TCF3: variants seen among roughly 807,000 people sequenced by gnomAD.
TCF3 encodes the protein transcription factor 3.
Under a neutral mutation model 72.3 loss-of-function variants are expected in TCF3, and 54 were observed. The ratio of observed to expected loss-of-function variants is 0.75; its 90% CI spans 0.60 to 0.94. The LOEUF (loss-of-function observed/expected upper bound fraction) is 0.94. Ranked by LOEUF, TCF3 falls within the 40% of genes least tolerant of loss-of-function variation. TCF3 has a pLI of 0.00. For missense variants in TCF3, 1,078 were observed against 934.4 expected (o/e 1.15, Z -2.00); for synonymous variants, 525 against 412.6 (o/e 1.27, Z -3.30).
intron 3 of TCF3, among the ~76,000 whole-genome samples, chr19:1,641,925 G>T (rs1320760499): frequency 1.3e-5 from 2 of 151,898 alleles, no homozygotes; most frequent in Admixed American, 6.6e-5. Flanking sequence ...TAATTAGGTG[G>T]TCGCAGCTGC....
intron 3 of TCF3, among the ~76,000 whole-genome samples, chr19:1,635,616 A>G (rs1340847078): frequency 6.6e-6 from 1 of 152,076 alleles, no homozygotes; most frequent in African/African-American, 2.4e-5. Context: ...CATTTTACTC[A>G]TAAATAACTG....
chr19:1,623,138 C>T (rs542133230), intron 8 of TCF3, among the ~76,000 whole-genome samples: 3 of 152,178 alleles, frequency 2.0e-5, no homozygotes, highest in East Asian at 3.9e-4. Context: ...GGGAGCTGGT[C>T]GGCTGGAGGG....
chr19:1,620,402 A>C (rs1303861344), intron 13 of TCF3, among the ~76,000 whole-genome samples: 1 of 152,106 alleles, frequency 6.6e-6, no homozygotes, highest in African/African-American at 2.4e-5. Flanking sequence ...CAGGGATAGG[A>C]GGGTCTGCCC....
At chr19:1,652,120 C>G (rs976734712) in intron 1 of TCF3, among the ~76,000 whole-genome samples, 180 bp downstream of exon 1, 1 of 150,182 alleles carries the variant, frequency 6.7e-6, no homozygotes, top group Non-Finnish European at 1.5e-5. Flanking sequence ...TCGCCGCCCC[C>G]CCGGCGCCGC....
At chr19:1,620,387 C>T (rs897272541) in intron 13 of TCF3, among the ~76,000 whole-genome samples, 23 of 152,182 alleles carry the variant, frequency 1.5e-4, no homozygotes, top group African/African-American at 4.6e-4. Flanking sequence ...GCAAGCACGT[C>T]CTCACAGGGA....
chr19:1,633,973 A>G (rs531157039), intron 3 of TCF3, among the ~76,000 whole-genome samples: 15 of 152,284 alleles, frequency 9.9e-5, no homozygotes, highest in Middle Eastern at 3.4e-3. Flanking sequence ...GAGACCCCCA[A>G]CTGAGCAAAC....
Position 1,610,881 on chromosome 19 carries a change from AGACCCGCC to A in TCF3, c.*818_*825del, listed in dbSNP as rs1227240349. On this transcript the variant is annotated 3_prime_UTR_variant, in exon 19 of 19. Transcript: ENST00000262965. ...GAACCCCCAACATCAAAAAAACAAA[AGACCCGCC>A]GCCTGTCCCCGTTCTGTCTGTGTGC... The A allele has an allele frequency of 7.2e-6, 1 of 139,584 alleles. No homozygotes were observed. The highest frequency in any genetic ancestry group is 1.4e-5 in the Non-Finnish European group (1 of 69,034). The allele number at this position is 139,584 out of a possible 1,614,324, so 8.6% of individuals were successfully genotyped here. A position where few individuals can be genotyped will look rare whatever the true frequency, so the allele number is the denominator to read the frequency against.
intron 3 of TCF3, among the ~76,000 whole-genome samples, chr19:1,643,412 G>A (rs563359341): frequency 6.6e-6 from 1 of 152,238 alleles, no homozygotes; most frequent in East Asian, 1.9e-4. Context: ...GTAGAGATGA[G>A]GTTTTGCTGT....
intron 3 of TCF3, among the ~76,000 whole-genome samples, chr19:1,640,951 C>G (rs2065148920): frequency 6.6e-6 from 1 of 152,120 alleles, no homozygotes; most frequent in Non-Finnish European, 1.5e-5. Context: ...GAGTTTGAGA[C>G]CAGCCTGGCC....
In TCF3 at chr19:1,632,319, C is replaced by T. The variant is rs1361938757; in HGVS notation, c.219+13G>A. On this transcript the variant is annotated intron_variant, in intron 4 of 18. Coordinates refer to ENST00000262965, the MANE Select transcript of TCF3 (RefSeq NM_003200.5). ...AGGAAACTCAGGGTCTCAGGCCTCA[C>T]GGGGACTCCTACCCGGCTGGGGTCA... is the stretch of plus-strand genomic sequence containing the variant. 1.3e-5 allele frequency: 21 copies of T among 1,577,096 alleles called. No individual in the cohort carries two copies. Among genetic ancestry groups the T allele is most frequent in the Middle Eastern group, 1.7e-4 (1 of 6,024 alleles).
rs149165864 is a variant in TCF3, at chr19:1,637,022, G to A, written c.146-4617C>T. 3.7e-3 allele frequency among the ~76,000 whole-genome samples: 556 copies of A among 152,260 alleles called. 1 individual carries two copies. Among genetic ancestry groups the A allele is most frequent in the Non-Finnish European group, 6.3e-3 (429 of 68,018 alleles). On this transcript the variant is annotated intron_variant, in intron 3 of 18. Transcript: ENST00000262965. ...GGGTAGAGGCACAGTGAGGCTGTGC[G>A]GGCAACACAGGCAACCTCCTCCGCC...
intron 16 of TCF3, among the ~76,000 whole-genome samples, chr19:1,618,186 G>A (rs1020367097): frequency 6.6e-6 from 1 of 151,996 alleles, no homozygotes; most frequent in African/African-American, 2.4e-5. Flanking sequence ...CCACAGCTCG[G>A]GCCAGAAATC....
At chr19:1,627,316 G>A in intron 6 of TCF3, 43 bp downstream of exon 6, 1 of 1,501,788 alleles carries the variant, frequency 6.7e-7, no homozygotes. Context: ...TGACAGATTT[G>A]TTTAAAATCA....
chr19:1,635,954 T>C (rs1468439339), intron 3 of TCF3, among the ~76,000 whole-genome samples: 1 of 152,162 alleles, frequency 6.6e-6, no homozygotes, highest in African/African-American at 2.4e-5. Flanking sequence ...AGCCCGTGCC[T>C]CGCCCCGTCT....
At chr19:1,627,679 G>A (rs1182062503) in intron 5 of TCF3, among the ~76,000 whole-genome samples, 1 of 152,224 alleles carries the variant, frequency 6.6e-6, no homozygotes, top group Non-Finnish European at 1.5e-5. Flanking sequence ...GGGACAAGAA[G>A]GGGTCCCCGA....
chr19:1,611,889 G>A (rs2061015803), intron 18 of TCF3, 40 bp from the exon 19 acceptor site: 1 of 1,384,248 alleles, frequency 7.2e-7, no homozygotes. Context: ...GACGGTCCCA[G>A]GGAGGAGAAA....
intron 3 of TCF3, among the ~76,000 whole-genome samples, chr19:1,639,351 G>C (rs542353662): frequency 1.3e-5 from 2 of 152,120 alleles, no homozygotes; most frequent in Non-Finnish European, 2.9e-5. Flanking sequence ...GCCAAGGAAC[G>C]GATTTTTTTG....
chr19:1,643,519 C>T (rs2065637287), intron 3 of TCF3, among the ~76,000 whole-genome samples: 2 of 151,276 alleles, frequency 1.3e-5, no homozygotes, highest in African/African-American at 2.4e-5. Flanking sequence ...CTGTGTCTGG[C>T]CCTTTTCTGT....
intron 3 of TCF3, among the ~76,000 whole-genome samples, chr19:1,632,873 G>A (rs368738066): frequency 2.0e-5 from 3 of 152,216 alleles, no homozygotes; most frequent in Admixed American, 6.5e-5. Context: ...GCTCTGGGGA[G>A]GCCCAGGGTC....
Sources: gnomAD v4.1 joint callset for allele counts (sites outside exome capture counted in the v4.1 genomes callset) on GRCh38, gnomAD v4.1.1 for gene constraint, MANE v1.5 for transcripts, NCBI Gene and HGNC (gene_info 2026-07-23, HGNC 2026-07-21) for gene names.